The following TTN variants were observed in gnomAD, a reference collection of about 807,000 sequenced individuals.
The protein encoded by TTN is connectin.
Under a neutral mutation model 3,223.0 loss-of-function variants are expected in TTN, and 1,525 were observed. The observed-to-expected ratio is 0.47, with a 90% confidence interval of 0.45 to 0.49. The LOEUF (loss-of-function observed/expected upper bound fraction) is 0.49, where lower values mean the gene tolerates loss of function less well. TTN is among the 20% of genes least tolerant of loss of function. The pLI is 0.00. For missense variants in TTN, 40,786 were observed against 43,424.0 expected (o/e 0.94, Z 5.40); for synonymous variants, 14,094 against 15,161.0 (o/e 0.93, Z 5.17).
chr2:178,629,253 A>C (rs2059473841), intron 240 of TTN, 48 bp downstream of exon 240: 10 of 1,599,760 alleles, frequency 6.3e-6, no homozygotes, highest in Non-Finnish European at 8.5e-6. Flanking sequence ...TGAAGGTGGA[A>C]GAACTCCAGA....
rs776305807 is a variant in TTN at position 178,553,594 on chromosome 2, A to C, written c.89411T>G (p.Val29804Gly). 2.5e-6 allele frequency: 4 copies of C among 1,613,778 alleles called. No individual in the cohort carries two copies. In the African/African-American group the frequency reaches 4.0e-5, roughly 16 times the overall value. ...AGCAGATACCCGGAAGTAGTAATTG[A>C]CTCCAGGTTTCAGGTTGGATACCAC... is the stretch of plus-strand genomic sequence containing the variant. Reference protein sequence around the residue: ...EYVVSNLKPGVNYYFRVSAVN... With the variant: ...EYVVSNLKPGGNYYFRVSAVN... The change falls in exon 334 of 363, where the codon GTC becomes GGC. Residue 29804 changes from valine (V) to glycine (G), a missense_variant. Transcript: ENST00000589042.
intron 222 of TTN, 108 bp from the exon 223 acceptor site, chr2:178,639,896 T>G: frequency 2.1e-6 from 3 of 1,430,194 alleles, no homozygotes; most frequent in Non-Finnish European, 2.9e-6. Context: ...TTCAAATAAC[T>G]AGTTTTTAAG....
At position 178,574,714 on chromosome 2, in the gene TTN, T is replaced by C. The variant is rs1327032585; in HGVS notation, c.71418A>G (p.Arg23806=). Reference sequence around the variant, plus strand: ...ATGTGATGCCTGGTCCAACTCCATATCTATTCTGAGCTTTTACACGGAACT... The same window carrying C: ...ATGTGATGCCTGGTCCAACTCCATACCTATTCTGAGCTTTTACACGGAACT... ...EYQFRVKAQN[R]YGVGPGITSA... is the part of the protein sequence containing the mutation. Residue 23806 remains arginine, a synonymous_variant, in exon 326 of 363, where the codon AGA becomes AGG. Coordinates refer to ENST00000589042, the MANE Select transcript of TTN (RefSeq NM_001267550.2). 1.2e-6 allele frequency: 2 copies of C among 1,613,310 alleles called. No individual in the cohort carries two copies. The highest frequency in any genetic ancestry group is 1.1e-5 in the South Asian group (1 of 91,004).
Position 178,624,544 on chromosome 2 carries a change from A to G in TTN, c.44736T>C (p.His14912=), listed in dbSNP as rs762830792. 6.2e-7 allele frequency: 1 copy of G among 1,612,830 alleles called. No individual in the cohort carries two copies. The highest frequency in any genetic ancestry group is 8.5e-7 in the Non-Finnish European group (1 of 1,179,228). The change falls in exon 242 of 363, where the codon CAT becomes CAC. Residue 14912 remains histidine (H), a synonymous_variant. Coordinates refer to ENST00000589042, the MANE Select transcript of TTN (RefSeq NM_001267550.2). ...TTTTAATATCCTCTGGGGTACAGTCATGTATAACAAGTTTTCTGACCCTGC... is the reference window on the plus strand; with the variant it reads ...TTTTAATATCCTCTGGGGTACAGTCGTGTATAACAAGTTTTCTGACCCTGC... ...ADGRVRKLVI[H]DCTPEDIKTY...
chr2:178,689,446 A>C (rs1269284131), intron 123 of TTN, 69 bp downstream of exon 123: 1 of 1,603,300 alleles, frequency 6.2e-7, no homozygotes, highest in Non-Finnish European at 8.5e-7. Flanking sequence ...AGTGGCAATT[A>C]AAGAAGACAT....
chr2:178,804,134 C>G (rs936142045), intron 2 of TTN, among the ~76,000 whole-genome samples: 13 of 152,300 alleles, frequency 8.5e-5, no homozygotes, highest in African/African-American at 2.9e-4. Context: ...TGTGAACCAA[C>G]TGAAGTTCAG....
chr2:178,629,572 T>C, intron 239 of TTN, 129 bp from the exon 240 acceptor site: 1 of 1,368,462 alleles, frequency 7.3e-7, no homozygotes, highest in Non-Finnish European at 1.0e-6. Context: ...CTATTTTAAC[T>C]CCCACGTGAA....
intron 292 of TTN, 48 bp downstream of exon 292, chr2:178,598,458 T>G (rs775891463): frequency 1.9e-6 from 3 of 1,574,502 alleles, no homozygotes; most frequent in Non-Finnish European, 2.6e-6. Context: ...AACTATGACA[T>G]TTTTTAGTTT....
chr2:178,605,796 T>TA, intron 278 of TTN, 83 bp from the exon 279 acceptor site: 1 of 1,194,388 alleles, frequency 8.4e-7, no homozygotes, highest in Non-Finnish European at 1.1e-6. Context: ...CTTAATTATG[T>TA]AAAAAATAGC....
At position 178,609,247 on chromosome 2, in the gene TTN, G is replaced by C. The variant is rs2055715611; in HGVS notation, c.52063C>G (p.His17355Asp). Residue 17355 changes from histidine (H) to aspartate (D), a missense_variant, in exon 273 of 363, where the codon CAC becomes GAC. Transcript: ENST00000589042. ...GLYMIKVEND[H>D]GIAKAPCTVS... ...GTACAAGGAGCTTTTGCAATACCGT[G>C]GTCATTTTCAACTTTGATCATATAC... The C allele has an allele frequency of 6.5e-7, 1 of 1,532,718 alleles. No homozygotes were observed. Among genetic ancestry groups the C allele is most frequent in the South Asian group, 1.3e-5 (1 of 74,934 alleles). The allele number at this position is 1,532,718 out of a possible 1,614,324, so 94.9% of individuals were successfully genotyped here.
In TTN at chr2:178,688,111, C is replaced by T. The variant is rs549877654; in HGVS notation, c.32311G>A (p.Val10771Met). The stretch of plus-strand genomic sequence containing the variant: ...TCTCTAGCTTATTTGCATTGTTTAC[C>T]TTCATATTCTGTAACCTCTGCTTCT... Reference protein sequence around the residue: ...EEEAEVTEYEVMEEPEEYVVE... With the variant: ...EEEAEVTEYEMMEEPEEYVVE... The change falls in exon 127 of 363, where the codon GTG becomes ATG. Residue 10771 changes from valine to methionine, a missense_variant and splice_region_variant. Transcript: ENST00000589042. The T allele has an allele frequency of 1.9e-6, 3 of 1,611,166 alleles. No individual in the cohort carries two copies. The highest frequency in any genetic ancestry group is 1.7e-6 in the Non-Finnish European group (2 of 1,178,524).
rs72648969 is a variant in TTN, at chr2:178,722,029, C to T, written c.22634G>A (p.Arg7545Gln). 4,894 of 1,613,382 alleles carry T rather than the reference C, an allele frequency of 3.0e-3. 15 individuals are homozygous for T. The highest frequency in any genetic ancestry group is 3.4e-3 in the Non-Finnish European group (4,000 of 1,179,514). Residue 7545 changes from arginine to glutamine, a missense_variant, in exon 78 of 363, where the codon CGA (arginine) becomes CAA (glutamine). Arg to Gln is a conservative substitution (Grantham distance 43). Transcript: ENST00000589042. ...CTTGTTATCTTTTGACCAAGTGATT[C>T]GCATCGGTTGAGCACCAGTAACATG... The part of the protein sequence containing the change: ...ECHVTGAQPM[R>Q]ITWSKDNKEI...
Position 178,715,012 on chromosome 2 carries a change from G to C in TTN, c.26174C>G (p.Thr8725Ser). The change falls in exon 90 of 363, where the codon ACT becomes AGT. Residue 8725 changes from threonine to serine, a missense_variant. Coordinates refer to ENST00000589042, the MANE Select transcript of TTN (RefSeq NM_001267550.2). ...CKATNDVGSD[T>S]CVGSIALKAP... is the part of the protein sequence containing the mutation. ...TTTGAGAGCGATGGAACCAACGCAAGTGTCGCTTCCCACATCATTTGTGGC... is the reference window on the plus strand; with the variant it reads ...TTTGAGAGCGATGGAACCAACGCAACTGTCGCTTCCCACATCATTTGTGGC... 1 of 1,612,264 alleles carries C rather than the reference G, an allele frequency of 6.2e-7. No individual in the cohort carries two copies. Among genetic ancestry groups the C allele is most frequent in the Non-Finnish European group, 8.5e-7 (1 of 1,178,752 alleles).
Position 178,591,832 on chromosome 2 carries a change from A to C in TTN, c.59987T>G (p.Leu19996Arg), listed in dbSNP as rs1553645358. 6.2e-7 allele frequency: 1 copy of C among 1,613,310 alleles called. No individual in the cohort carries two copies. The highest frequency in any genetic ancestry group is 8.5e-7 in the Non-Finnish European group (1 of 1,179,580). Residue 19996 changes from leucine (L) to arginine (R), a missense_variant, in exon 303 of 363, where the codon CTA (leucine) becomes CGA (arginine). Transcript: ENST00000589042. ...HVDVDKTEVS[L>R]VWNKPDRDGG... ...ATCACGATCCGGCTTATTCCAGACT[A>C]GGGAGACTTCAGTCTTGTCAACATC... is the stretch of plus-strand genomic sequence containing the variant.
rs1339109963 is a variant in TTN, at chr2:178,589,345, T to C, written c.62380A>G (p.Arg20794Gly). The C allele has an allele frequency of 6.2e-7, 1 of 1,613,318 alleles. No homozygotes were observed. The change falls in exon 304 of 363, where the codon AGA becomes GGA. Residue 20794 changes from arginine (R) to glycine (G), a missense_variant. Transcript: ENST00000589042. ...GCAACTTCTGGGAATGGTTTGCCTC[T>C]AACCCCTGCCTCAAGCCTAATGGTG... Reference protein sequence around the residue: ...GDTIRLEAGVRGKPFPEVAWT... With the variant: ...GDTIRLEAGVGGKPFPEVAWT...
rs546095518 is a variant in TTN, at chr2:178,730,862, A to T, written c.17740+63T>A. On this transcript the variant is annotated intron_variant, in intron 60 of 362. Coordinates refer to ENST00000589042, the MANE Select transcript of TTN (RefSeq NM_001267550.2). ...CTAATTTGTTTTTGTTTTTTTTTTT[A>T]AATTTTAAGGGAAGAAGGAGCATGG... 2,820 of 1,474,548 alleles carry T rather than the reference A, an allele frequency of 1.9e-3. 42 individuals are homozygous for T. In the South Asian group the frequency reaches 0.027, roughly 14 times the overall value. 91.3% of individuals were successfully genotyped at this position (1,474,548 alleles called of 1,614,324 possible).
At chr2:178,778,836 T>C (rs2092497798) in intron 24 of TTN, 38 bp downstream of exon 24, 1 of 1,613,104 alleles carries the variant, frequency 6.2e-7, no homozygotes, top group Non-Finnish European at 8.5e-7. Context: ...TTGAAAACAA[T>C]TTACATACTA....
rs778708400 is a variant in TTN at position 178,545,511 on chromosome 2, T to C, written c.95599A>G (p.Arg31867Gly). The C allele has an allele frequency of 3.1e-6, 5 of 1,613,684 alleles. No homozygotes were observed. Among genetic ancestry groups the C allele is most frequent in the Non-Finnish European group, 4.2e-6 (5 of 1,179,666 alleles). ...VNKDYVVYDT[R>G]LKVTSLMEGC... ...TCCATCAGGCTGGTCACCTTCAGCC[T>C]GGTATCATACACCACATAGTCTTTG... The change falls in exon 344 of 363, where the codon AGG becomes GGG. Residue 31867 changes from arginine (R) to glycine (G), a missense_variant. Arg to Gly is a moderately radical substitution (Grantham distance 125, BLOSUM62 -2). Transcript: ENST00000589042.
chr2:178,737,684 A>C (rs1239186048), intron 49 of TTN, among the ~76,000 whole-genome samples: 1 of 152,168 alleles, frequency 6.6e-6, no homozygotes, highest in Non-Finnish European at 1.5e-5. Context: ...ATTAGGATTT[A>C]ATTTTAGACT....
Sources: allele counts gnomAD v4.1 joint callset (sites outside exome capture counted in the v4.1 genomes callset), GRCh38; gene constraint gnomAD v4.1.1; transcripts MANE v1.5; gene names NCBI Gene and HGNC (gene_info 2026-07-23, HGNC 2026-07-21).